SERBP1: variants seen among roughly 807,000 people sequenced by gnomAD.
SERBP1 encodes SERPINE1 mRNA-binding protein 1.
In SERBP1, 6 loss-of-function variants were observed where a neutral mutation model predicts 50.2. The observed-to-expected ratio is 0.12, with a 90% confidence interval of 0.07 to 0.24. The LOEUF is 0.24. Ranked by LOEUF, SERBP1 falls within the 10% of genes least tolerant of loss-of-function variation. SERBP1 has a pLI of 1.00. For missense variants in SERBP1, 346 were observed against 524.9 expected (o/e 0.66, Z 3.33); for synonymous variants, 168 against 182.8 (o/e 0.92, Z 0.65).
At chr1:67,424,827 A>T in intron 4 of SERBP1, 61 bp downstream of exon 4, 1 of 1,232,462 alleles carries the variant, frequency 8.1e-7, no homozygotes, top group Non-Finnish European at 1.2e-6. Flanking sequence ...GTAAAATTTG[A>T]CAGAGGTATG....
In SERBP1 at chr1:67,424,855, G is replaced by A. The variant is rs766310106; in HGVS notation, c.695+33C>T. The stretch of plus-strand genomic sequence containing the variant: ...GAGGTATGGATTAACCTCTAGTTAG[G>A]TATAGAATTTTTAAGAAAATCAGAA... On this transcript the variant is annotated intron_variant, in intron 4 of 7. Coordinates refer to ENST00000361219, the MANE Select transcript of SERBP1 (RefSeq NM_001018069.2). 2 of 1,527,098 alleles carry A rather than the reference G, an allele frequency of 1.3e-6. 1 individual carries two copies. Among genetic ancestry groups the A allele is most frequent in the East Asian group, 4.5e-5 (2 of 44,440 alleles). 94.6% of individuals were successfully genotyped at this position (1,527,098 alleles called of 1,614,324 possible).
intron 5 of SERBP1, among the ~76,000 whole-genome samples, chr1:67,422,433 C>T (rs1262487462): frequency 6.6e-6 from 1 of 151,444 alleles, no homozygotes; most frequent in African/African-American, 2.4e-5. Context: ...TTGCTTGAAC[C>T]CTGGAGGCAG....
At position 67,408,210 on chromosome 1, in the gene SERBP1, A is replaced by G. The variant is rs1289006067; in HGVS notation, c.*4997T>C. On this transcript the variant is annotated 3_prime_UTR_variant, in exon 8 of 8. Transcript: ENST00000361219. ...TCAGAGTAATTGAGCACCTAGTATGAACCAATTATCTAAATAGATTTCTAA... is the reference window on the plus strand; with the variant it reads ...TCAGAGTAATTGAGCACCTAGTATGGACCAATTATCTAAATAGATTTCTAA... 1 of 152,202 alleles carries G rather than the reference A, an allele frequency of 6.6e-6. No homozygotes were observed. Among genetic ancestry groups the G allele is most frequent in the East Asian group, 1.9e-4 (1 of 5,204 alleles). The allele number at this position is 152,202 out of a possible 1,614,324, so 9.4% of individuals were successfully genotyped here.
intron 5 of SERBP1, among the ~76,000 whole-genome samples, chr1:67,422,507 T>A (rs1370041821): frequency 6.7e-6 from 1 of 148,882 alleles, no homozygotes; most frequent in Non-Finnish European, 1.5e-5. Flanking sequence ...CAAAACTCCA[T>A]CTCAAAAAAA....
chr1:67,413,918 T>C (rs1274343839), intron 7 of SERBP1, among the ~76,000 whole-genome samples: 1 of 152,074 alleles, frequency 6.6e-6, no homozygotes, highest in African/African-American at 2.4e-5. Flanking sequence ...GTGATTCTTG[T>C]GCCTCAGCCT....
Position 67,409,159 on chromosome 1 carries a change from TG to T in SERBP1, c.*4047del. 1 of 151,364 alleles carries T rather than the reference TG, an allele frequency of 6.6e-6. No individual in the cohort carries two copies. The allele number at this position is 151,364 out of a possible 1,614,324, so 9.4% of individuals were successfully genotyped here. A position where few individuals can be genotyped will look rare whatever the true frequency, so the allele number is the denominator to read the frequency against. On this transcript the variant is annotated 3_prime_UTR_variant, in exon 8 of 8. Coordinates refer to ENST00000361219, the MANE Select transcript of SERBP1 (RefSeq NM_001018069.2). The stretch of plus-strand genomic sequence containing the variant: ...GGCAGAATTGCTTGAACCCGGGAGG[TG>T]GAGGCTGCAGTGACCTGAGATCATG...
intron 5 of SERBP1, among the ~76,000 whole-genome samples, chr1:67,423,807 T>C (rs1667282881): frequency 6.6e-6 from 1 of 152,142 alleles, no homozygotes; most frequent in East Asian, 1.9e-4. Flanking sequence ...ATGACAATGG[T>C]AAAATGACTA....
At position 67,429,744 on chromosome 1, in the gene SERBP1, T is replaced by C. The variant is rs188322070; in HGVS notation, c.313+244A>G. On this transcript the variant is annotated intron_variant, in intron 1 of 7. Transcript: ENST00000361219. ...AGCAGCTCATCTCCGACCACGCTCC[T>C]CTGCTCACAACCTGAGGCGGGAAGG... The C allele has an allele frequency of 5.2e-3, 2,360 of 456,280 alleles. 9 individuals carry two copies. Among genetic ancestry groups the C allele is most frequent in the Non-Finnish European group, 6.5e-3 (1,678 of 258,246 alleles). 28.3% of individuals were successfully genotyped at this position (456,280 alleles called of 1,614,324 possible). A position where few individuals can be genotyped will look rare whatever the true frequency, so the allele number is the denominator to read the frequency against.
Position 67,420,202 on chromosome 1 carries a change from C to CA in SERBP1, c.774-17dup, listed in dbSNP as rs759036574. ...TTCATTCTCCCTGTGAAAAGGTTTT[C>CA]AAGTTTTATACCTGGTAGAGAGCTG... On this transcript the variant is annotated splice_polypyrimidine_tract_variant and intron_variant, in intron 5 of 7. Coordinates refer to ENST00000361219, the MANE Select transcript of SERBP1 (RefSeq NM_001018069.2). The CA allele has an allele frequency of 5.0e-6, 8 of 1,593,846 alleles. No homozygotes were observed. In the African/African-American group the frequency reaches 1.1e-4, roughly 22 times the overall value.
In SERBP1 at chr1:67,409,289, G is replaced by A. The variant is rs1372196259; in HGVS notation, c.*3918C>T. 2.0e-5 allele frequency: 3 copies of A among 151,218 alleles called. No individual in the cohort carries two copies. The highest frequency in any genetic ancestry group is 7.3e-5 in the African/African-American group (3 of 41,218). 9.4% of individuals were successfully genotyped at this position (151,218 alleles called of 1,614,324 possible). ...GGGGTCAGCAAACATTTCTGTGAAA[G>A]GCGGTATCTTATGCTGGGCTGCCTA... On this transcript the variant is annotated 3_prime_UTR_variant, in exon 8 of 8. Transcript: ENST00000361219.
rs1666776853 is a variant in SERBP1 at position 67,410,026 on chromosome 1, G to GT, written c.*3180dup. 1.3e-5 allele frequency: 2 copies of GT among 152,146 alleles called. No individual in the cohort carries two copies. Among genetic ancestry groups the GT allele is most frequent in the South Asian group, 4.1e-4 (2 of 4,828 alleles). 9.4% of individuals were successfully genotyped at this position (152,146 alleles called of 1,614,324 possible). ...GTCTGGGTTATAATCTATTTTCTAAGTGTTTACTTTAGAAAGTAAAATTGC... is the reference window on the plus strand; with the variant it reads ...GTCTGGGTTATAATCTATTTTCTAAGTTGTTTACTTTAGAAAGTAAAATTGC... On this transcript the variant is annotated 3_prime_UTR_variant, in exon 8 of 8. Coordinates refer to ENST00000361219, the MANE Select transcript of SERBP1 (RefSeq NM_001018069.2).
chr1:67,418,268 G>A (rs945063442), intron 6 of SERBP1, among the ~76,000 whole-genome samples: 3 of 151,882 alleles, frequency 2.0e-5, no homozygotes, highest in African/African-American at 4.8e-5. Flanking sequence ...GAGCCACTGC[G>A]CCTGGCTGAA....
At chr1:67,429,928 G>T in intron 1 of SERBP1, 60 bp downstream of exon 1, 1 of 1,491,186 alleles carries the variant, frequency 6.7e-7, no homozygotes. Flanking sequence ...AGTGGCAGCC[G>T]GCAGCCCCCT....
At chr1:67,420,545 C>A (rs1667167690) in intron 5 of SERBP1, 1 of 167,760 alleles carries the variant, frequency 6.0e-6, no homozygotes. Context: ...CCTATCTTCT[C>A]CTAAACCACA....
In SERBP1 at chr1:67,425,188, C is replaced by T. The variant is rs1409382403; in HGVS notation, c.500G>A (p.Gly167Asp). 6.2e-7 allele frequency: 1 copy of T among 1,610,330 alleles called. No individual in the cohort carries two copies. Among genetic ancestry groups the T allele is most frequent in the African/African-American group, 1.3e-5 (1 of 74,824 alleles). Residue 167 changes from glycine (G) to aspartate (D), a missense_variant, in exon 3 of 8, where the codon GGT becomes GAT. Transcript: ENST00000361219. Reference protein sequence around the residue: ...IIDRPIRGRGGLGRGRGGRGR... With the variant: ...IIDRPIRGRGDLGRGRGGRGR... The stretch of plus-strand genomic sequence containing the variant: ...ACGGCCCCCTCGACCTCTTCCAAGA[C>T]CACCACGACCTCGAATAGGTCGGTC...
At chr1:67,419,650 A>G (rs1312151298) in intron 6 of SERBP1, 1 of 237,290 alleles carries the variant, frequency 4.2e-6, no homozygotes, top group Non-Finnish European at 8.2e-6. Context: ...ACCTAACACC[A>G]TAATACCACA....
At chr1:67,428,160 T>G (rs537629340) in intron 1 of SERBP1, among the ~76,000 whole-genome samples, 1 of 152,194 alleles carries the variant, frequency 6.6e-6, no homozygotes, top group African/African-American at 2.4e-5. Flanking sequence ...TTTTACATGC[T>G]TGTATTTTAT....
chr1:67,414,058 G>C (rs1328530414), intron 7 of SERBP1, among the ~76,000 whole-genome samples: 1 of 152,136 alleles, frequency 6.6e-6, no homozygotes, highest in Non-Finnish European at 1.5e-5. Context: ...CCAAAGTACT[G>C]GGATTACAGG....
At position 67,426,216 on chromosome 1, in the gene SERBP1, G is replaced by A. The variant is rs1483713978; in HGVS notation, c.383C>T (p.Pro128Leu). 1.9e-6 allele frequency: 3 copies of A among 1,610,104 alleles called. No individual in the cohort carries two copies. The highest frequency in any genetic ancestry group is 2.5e-6 in the Non-Finnish European group (3 of 1,178,332). Reference sequence around the variant, plus strand: ...TCGTTCACGAGGTGGTCGCCTTTCTGGTCTTCTATCAATTATTTTCCCTTC... The same window carrying A: ...TCGTTCACGAGGTGGTCGCCTTTCTAGTCTTCTATCAATTATTTTCCCTTC... ...QGEGKIIDRR[P>L]ERRPPRERRF... The change falls in exon 2 of 8, where the codon CCA (proline) becomes CTA (leucine). Residue 128 changes from proline to leucine, a missense_variant. Transcript: ENST00000361219.
Sources: allele counts gnomAD v4.1 joint callset (sites outside exome capture counted in the v4.1 genomes callset), GRCh38; gene constraint gnomAD v4.1.1; transcripts MANE v1.5; gene names NCBI Gene and HGNC (gene_info 2026-07-23, HGNC 2026-07-21).